ADD2: variants seen among roughly 807,000 people sequenced by gnomAD.
ADD2 encodes the protein adducin 2, also known as beta-adducin.
In ADD2, 23 loss-of-function variants were observed where a neutral mutation model predicts 83.0. The ratio of observed to expected loss-of-function variants is 0.28; its 90% CI spans 0.20 to 0.39. The LOEUF (loss-of-function observed/expected upper bound fraction) is 0.39. Among genes scored for constraint, ADD2 ranks in the 10% least tolerant of loss-of-function variants. The pLI, the probability that ADD2 is intolerant of heterozygous loss-of-function variation, is 1.00. For synonymous variants in ADD2, 375 were observed against 375.4 expected, an observed-to-expected ratio of 1.00 and a Z score of 0.01; for missense variants, 758 against 944.9, an observed-to-expected ratio of 0.80 and a Z score of 2.59.
At chr2:70,751,806 A>C (rs1229255994) in intron 1 of ADD2, among the ~76,000 whole-genome samples, 5 of 152,226 alleles carry the variant, frequency 3.3e-5, no homozygotes, top group African/African-American at 1.2e-4. Context: ...ACCAGCACAG[A>C]GAACAATATT....
intron 1 of ADD2, among the ~76,000 whole-genome samples, chr2:70,766,930 G>A (rs961417995): frequency 6.6e-6 from 1 of 152,122 alleles, no homozygotes; most frequent in African/African-American, 2.4e-5. Flanking sequence ...GATAGGGTGT[G>A]GGCTGGAGCT....
chr2:70,706,260 T>C lies in ADD2; in HGVS notation c.149A>G (p.Gln50Arg), dbSNP rs1553374391. Reference protein sequence around the residue: ...DLRQDFNLMEQKKRVTMILQS... With the variant: ...DLRQDFNLMERKKRVTMILQS... Reference sequence around the variant, plus strand: ...CAGGATCATGGTGACGCGCTTCTTCTGCTCCATCAGGTTGAAGTCCTGCCG... The same window carrying C: ...CAGGATCATGGTGACGCGCTTCTTCCGCTCCATCAGGTTGAAGTCCTGCCG... The change falls in exon 3 of 16, where the codon CAG becomes CGG. Residue 50 changes from glutamine to arginine, a missense_variant. This residue lies in a region of ADD2 where 175 missense variants were observed against 192.1 expected (regional missense o/e 0.91). Coordinates refer to ENST00000264436, the MANE Select transcript of ADD2 (RefSeq NM_001617.4). This position sits in a 1 kb window ranked among gnomAD's most constrained non-coding sequence, Gnocchi z 5.0. The C allele has an allele frequency of 2.5e-6, 4 of 1,613,972 alleles. No individual in the cohort carries two copies. Among genetic ancestry groups the C allele is most frequent in the Non-Finnish European group, 3.4e-6 (4 of 1,180,010 alleles).
At position 70,663,475 on chromosome 2, in the gene ADD2, T is replaced by C. The variant is rs782316267; in HGVS notation, c.2131A>G (p.Thr711Ala). 1 of 1,613,712 alleles carries C rather than the reference T, an allele frequency of 6.2e-7. No homozygotes were observed. Residue 711 changes from threonine to alanine, a missense_variant, in exon 16 of 16, where the codon ACC (threonine) becomes GCC (alanine). Physicochemically the swap from Thr to Ala is moderately conservative, Grantham distance 58. Around this residue, in one of 5 missense-constraint regions of ADD2, gnomAD observed 165 missense variants for 176.2 expected, o/e 0.94. Transcript: ENST00000264436. Reference sequence around the variant, plus strand: ...TTGCTCTTTTTCAGGAAGGAGGGGGTTCGGAATTTCTTTTTCTTCTTTGAG... The same window carrying C: ...TTGCTCTTTTTCAGGAAGGAGGGGGCTCGGAATTTCTTTTTCTTCTTTGAG... ...SPSKKKKKFR[T>A]PSFLKKSKKK...
chr2:70,702,280 C>G (rs1328569238), intron 4 of ADD2, among the ~76,000 whole-genome samples: 3 of 152,214 alleles, frequency 2.0e-5, no homozygotes, highest in African/African-American at 7.2e-5. Context: ...AATTCTCCCA[C>G]CTCAGCCTCC....
intron 14 of ADD2, 173 bp from the exon 15 acceptor site, chr2:70,673,179 C>T: frequency 6.3e-7 from 1 of 1,589,512 alleles, no homozygotes; most frequent in Non-Finnish European, 8.6e-7. Context: ...ATTTCTGCTA[C>T]TTCCCTGGGA....
intron 9 of ADD2, chr2:70,687,216 G>A (rs1670783163): frequency 6.6e-6 from 1 of 152,472 alleles, no homozygotes; most frequent in South Asian, 2.1e-4. Context: ...GAGTGGGGAG[G>A]ATGGAGCCTG....
At chr2:70,673,420 T>A in intron 14 of ADD2, 1 of 1,031,340 alleles carries the variant, frequency 9.7e-7, no homozygotes, top group Non-Finnish European at 1.5e-6. Context: ...CCTTATTTTA[T>A]TTTTTGCTGA....
At chr2:70,759,494 G>T (rs782626371) in intron 1 of ADD2, among the ~76,000 whole-genome samples, 1 of 152,232 alleles carries the variant, frequency 6.6e-6, no homozygotes, top group Non-Finnish European at 1.5e-5. Flanking sequence ...GTTGAAGGAG[G>T]GGGTACCTGG....
chr2:70,695,243 T>TC (rs1253905092), intron 6 of ADD2, among the ~76,000 whole-genome samples: 1 of 151,856 alleles, frequency 6.6e-6, no homozygotes. Flanking sequence ...ACTGCTTTCC[T>TC]CCCCCCATCT....
chr2:70,761,891 G>A lies in ADD2; in HGVS notation c.-154+5995C>T, dbSNP rs141308919. Among the ~76,000 whole-genome samples, 532 of 151,360 alleles carry A rather than the reference G, an allele frequency of 3.5e-3. 19 individuals are homozygous for A. The highest frequency in any genetic ancestry group is 0.013 in the African/African-American group (516 of 40,988). On this transcript the variant is annotated intron_variant, in intron 1 of 15. Transcript: ENST00000264436. Reference sequence around the variant, plus strand: ...TTTCACCATATTAGCCAGGATGGCCGATCTCCTGACCTCACGATCTACCCG... The same window carrying A: ...TTTCACCATATTAGCCAGGATGGCCAATCTCCTGACCTCACGATCTACCCG...
intron 15 of ADD2, among the ~76,000 whole-genome samples, chr2:70,669,140 A>G (rs34913961): frequency 0.083 from 12,674 of 152,204 alleles, 562 homozygotes; most frequent in Middle Eastern, 0.12. Context: ...AGCAGAGGGG[A>G]AGAAGAGCAA....
intron 1 of ADD2, among the ~76,000 whole-genome samples, chr2:70,752,372 A>C (rs1558579896): frequency 6.6e-6 from 1 of 152,216 alleles, no homozygotes; most frequent in Non-Finnish European, 1.5e-5. Context: ...CTTATCCAAG[A>C]AATGAGAATA....
chr2:70,739,102 C>T (rs571442557), intron 1 of ADD2, among the ~76,000 whole-genome samples: 1 of 152,236 alleles, frequency 6.6e-6, no homozygotes, highest in South Asian at 2.1e-4. Flanking sequence ...AGTAAACAGA[C>T]AACCTACAGA....
intron 9 of ADD2, among the ~76,000 whole-genome samples, chr2:70,684,320 T>A (rs995645229): frequency 6.6e-6 from 1 of 152,224 alleles, no homozygotes; most frequent in Non-Finnish European, 1.5e-5. Flanking sequence ...CAATCTCGGA[T>A]CACTGCAGCC....
At chr2:70,702,376 G>C (rs1288445992) in intron 4 of ADD2, among the ~76,000 whole-genome samples, 1 of 151,846 alleles carries the variant, frequency 6.6e-6, no homozygotes, top group Non-Finnish European at 1.5e-5. Context: ...CATGTTGGCC[G>C]GGCTGGTCTC....
intron 4 of ADD2, among the ~76,000 whole-genome samples, chr2:70,703,042 C>T (rs1410083298): frequency 2.0e-5 from 3 of 151,906 alleles, no homozygotes; most frequent in African/African-American, 7.3e-5. Context: ...GGGAGGATTG[C>T]TTGAGCCTGG....
intron 1 of ADD2, among the ~76,000 whole-genome samples, chr2:70,733,319 G>C (rs540344703): frequency 6.6e-6 from 1 of 152,148 alleles, no homozygotes; most frequent in Non-Finnish European, 1.5e-5. Flanking sequence ...AAGGGAAGGC[G>C]GTGCATGCAT....
intron 1 of ADD2, among the ~76,000 whole-genome samples, chr2:70,735,952 C>T (rs1242428675): frequency 9.3e-5 from 14 of 150,012 alleles, no homozygotes; most frequent in African/African-American, 3.5e-4. Context: ...ATCTGCCTGC[C>T]TTGGCCTCCC....
At position 70,706,592 on chromosome 2, in the gene ADD2, G is replaced by T; in HGVS notation, c.-34-150C>A. On this transcript the variant is annotated intron_variant, in intron 2 of 15. Coordinates refer to ENST00000264436, the MANE Select transcript of ADD2 (RefSeq NM_001617.4). This position sits in a 1 kb window ranked among gnomAD's most constrained non-coding sequence, Gnocchi z 5.0. ...AGGCAGAGCCTGGGGAGGAGGGCAG[G>T]ACGCCAGCAGCGGCCCCATATACCC... is the stretch of plus-strand genomic sequence containing the variant. 1.4e-6 allele frequency: 1 copy of T among 704,588 alleles called. No homozygotes were observed. The highest frequency in any genetic ancestry group is 2.2e-6 in the Non-Finnish European group (1 of 446,772). The allele number at this position is 704,588 out of a possible 1,614,324, so 43.6% of individuals were successfully genotyped here. A position where few individuals can be genotyped will look rare whatever the true frequency, so the allele number is the denominator to read the frequency against.
Sources: allele counts gnomAD v4.1 joint callset (sites outside exome capture counted in the v4.1 genomes callset), GRCh38; gene constraint gnomAD v4.1.1; regional missense constraint gnomAD v4.1.1; non-coding constraint Gnocchi (gnomAD v3.1); transcripts MANE v1.5; gene names NCBI Gene and HGNC (gene_info 2026-07-23, HGNC 2026-07-21).